The following SMYD3 variants were observed in gnomAD, a reference collection of about 807,000 sequenced individuals.
SMYD3 encodes SET and MYND domain containing 3, also known as histone-lysine N-methyltransferase SMYD3.
In SMYD3, 36 loss-of-function variants were observed where a neutral mutation model predicts 57.7. The observed-to-expected ratio is 0.62, with a 90% CI of 0.48 to 0.82. The LOEUF (loss-of-function observed/expected upper bound fraction) is 0.82. Ranked by LOEUF, SMYD3 falls within the 40% of genes least tolerant of loss-of-function variation. The pLI is 0.00. For missense variants in SMYD3, 515 were observed against 538.8 expected (o/e 0.96, Z 0.44); for synonymous variants, 211 against 195.0 (o/e 1.08, Z -0.68).
At chr1:245,802,956 C>T (rs774673504) in intron 10 of SMYD3, among the ~76,000 whole-genome samples, 1 of 152,224 alleles carries the variant, frequency 6.6e-6, no homozygotes, top group African/African-American at 2.4e-5. Context: ...TGCCTTGGCA[C>T]ACAGGCAACA....
intron 1 of SMYD3, among the ~76,000 whole-genome samples, chr1:246,400,483 G>A (rs978745603): frequency 2.6e-5 from 4 of 152,080 alleles, no homozygotes; most frequent in East Asian, 3.9e-4. Flanking sequence ...CAGTCCTCCC[G>A]CCCGAGCCTC....
At chr1:246,208,784 A>G (rs945893000) in intron 5 of SMYD3, among the ~76,000 whole-genome samples, 2 of 152,140 alleles carry the variant, frequency 1.3e-5, no homozygotes, top group African/African-American at 4.8e-5. Context: ...AACCAACTAA[A>G]GTAGTTTTTG....
chr1:246,047,006 A>G (rs12145554), intron 5 of SMYD3, among the ~76,000 whole-genome samples: 70,483 of 151,960 alleles, frequency 0.46, 17,806 homozygotes, highest in East Asian at 0.8. Context: ...ATAAAATACC[A>G]TATGAACAAA....
At chr1:245,860,197 C>G (rs796780855) in intron 9 of SMYD3, among the ~76,000 whole-genome samples, 1 of 152,056 alleles carries the variant, frequency 6.6e-6, no homozygotes, top group Non-Finnish European at 1.5e-5. Flanking sequence ...ATGACCTGGT[C>G]CCTTTACAAT....
rs113555126 is a variant in SMYD3, at chr1:246,487,090, C to A, written c.164+19964G>T. On this transcript the variant is annotated intron_variant, in intron 1 of 11. Coordinates refer to ENST00000490107, the MANE Select transcript of SMYD3 (RefSeq NM_001167740.2). ...GGGTAGACATTGACGGTACAAGACA[C>A]AATACCTGCATCCAAGAGCTTCCAG... Among the ~76,000 whole-genome samples, 966 of 152,274 alleles carry A rather than the reference C, an allele frequency of 6.3e-3. 9 individuals carry two copies. The highest frequency in any genetic ancestry group is 0.022 in the African/African-American group (917 of 41,550).
At chr1:246,495,249 T>G (rs1039024211) in intron 1 of SMYD3, among the ~76,000 whole-genome samples, 2 of 146,726 alleles carry the variant, frequency 1.4e-5, no homozygotes, top group Admixed American at 7.1e-5. Flanking sequence ...CTCGGGAGGC[T>G]GAGGCAGGAG....
intron 5 of SMYD3, among the ~76,000 whole-genome samples, chr1:246,007,654 G>T (rs1354814752): frequency 2.7e-5 from 4 of 146,724 alleles, no homozygotes; most frequent in African/African-American, 1.0e-4. Flanking sequence ...ACCAAAAATA[G>T]AAAAAAAAAA....
intron 5 of SMYD3, among the ~76,000 whole-genome samples, chr1:246,119,343 A>T (rs1340271483): frequency 6.6e-6 from 1 of 151,826 alleles, no homozygotes; most frequent in Non-Finnish European, 1.5e-5. Context: ...TCTTTCTGCC[A>T]CTGTAGTTGG....
intron 10 of SMYD3, among the ~76,000 whole-genome samples, chr1:245,846,753 G>A (rs1006131400): frequency 6.6e-6 from 1 of 152,196 alleles, no homozygotes; most frequent in African/African-American, 2.4e-5. Context: ...AGTCCTTAAA[G>A]TCCTTTCACC....
chr1:245,785,645 G>A (rs1051280567), intron 10 of SMYD3, among the ~76,000 whole-genome samples: 5 of 111,178 alleles, frequency 4.5e-5, no homozygotes, highest in Non-Finnish European at 9.4e-5. Flanking sequence ...GAGAGCGAGC[G>A]AGAGAGAGAG....
At chr1:246,155,550 T>G (rs1311446897) in intron 5 of SMYD3, among the ~76,000 whole-genome samples, 1 of 152,228 alleles carries the variant, frequency 6.6e-6, no homozygotes, top group Non-Finnish European at 1.5e-5. Flanking sequence ...ACATAATTTC[T>G]CATGAAAGCT....
At chr1:246,036,070 T>C (rs2059767995) in intron 5 of SMYD3, among the ~76,000 whole-genome samples, 1 of 152,174 alleles carries the variant, frequency 6.6e-6, no homozygotes, top group African/African-American at 2.4e-5. Context: ...ATTTTAAGTA[T>C]GTTGAAGAAA....
At chr1:246,218,893 T>C (rs2333995) in intron 5 of SMYD3, among the ~76,000 whole-genome samples, 26,977 of 152,158 alleles carry the variant, frequency 0.18, 2,780 homozygotes, top group East Asian at 0.34. Flanking sequence ...CACATGCTTC[T>C]GGAAAATACA....
At chr1:246,311,616 TCACACG>T (rs58836727) in intron 5 of SMYD3, among the ~76,000 whole-genome samples, 6,265 of 152,260 alleles carry the variant, frequency 0.041, 214 homozygotes, top group African/African-American at 0.093. Context: ...CCTTGAACAC[TCACACG>T]CACACGCACA....
chr1:246,444,419 C>G (rs1285705422), intron 1 of SMYD3, among the ~76,000 whole-genome samples: 1 of 152,162 alleles, frequency 6.6e-6, no homozygotes, highest in Non-Finnish European at 1.5e-5. Flanking sequence ...CCATCGCGCC[C>G]AGCCCCAGAA....
intron 1 of SMYD3, among the ~76,000 whole-genome samples, chr1:246,381,628 T>C (rs1247879866): frequency 1.3e-5 from 2 of 152,206 alleles, no homozygotes; most frequent in Non-Finnish European, 2.9e-5. Flanking sequence ...AGTACCTCTT[T>C]ATATCGCCAT....
chr1:245,839,797 C>A (rs2050307307), intron 10 of SMYD3, among the ~76,000 whole-genome samples: 1 of 150,230 alleles, frequency 6.7e-6, no homozygotes, highest in Non-Finnish European at 1.5e-5. Context: ...AATTAATAAG[C>A]AGGGGGAAAA....
chr1:245,824,121 C>T (rs1232614286), intron 10 of SMYD3, among the ~76,000 whole-genome samples: 1 of 152,222 alleles, frequency 6.6e-6, no homozygotes, highest in Non-Finnish European at 1.5e-5. Flanking sequence ...CTGAAAGCAT[C>T]AGGGCCATGC....
intron 5 of SMYD3, among the ~76,000 whole-genome samples, chr1:246,094,609 C>A (rs1203947204): frequency 6.6e-6 from 1 of 152,170 alleles, no homozygotes; most frequent in East Asian, 1.9e-4. Context: ...TGGGTTGTAA[C>A]AAGGTCAAAG....
Sources: gnomAD v4.1 joint callset for allele counts (sites outside exome capture counted in the v4.1 genomes callset) on GRCh38, gnomAD v4.1.1 for gene constraint, MANE v1.5 for transcripts, NCBI Gene and HGNC (gene_info 2026-07-23, HGNC 2026-07-21) for gene names.